The following AGAP1 variants were observed in gnomAD, a reference collection of about 807,000 sequenced individuals.
AGAP1 encodes arf-GAP with GTPase, ANK repeat and PH domain-containing protein 1.
A neutral mutation model predicts 105.3 loss-of-function variants in AGAP1; 29 were observed. The observed-to-expected ratio is 0.28, with a 90% CI of 0.21 to 0.38. AGAP1 has a LOEUF of 0.38. AGAP1 is among the 10% of genes least tolerant of loss of function. The probability of loss-of-function intolerance (pLI) is 1.00; values close to 1 mark genes in which losing one functional copy is unlikely to be tolerated. For synonymous variants in AGAP1, 509 were observed against 485.9 expected (o/e 1.05, Z -0.63); for missense variants, 998 against 1,165.1 (o/e 0.86, Z 2.09).
At chr2:235,839,265 G>C (rs1960523363) in intron 9 of AGAP1, among the ~76,000 whole-genome samples, 1 of 152,234 alleles carries the variant, frequency 6.6e-6, no homozygotes, top group Non-Finnish European at 1.5e-5. Flanking sequence ...TCCCAAAGCT[G>C]TTGGACCAGT....
Position 235,992,534 on chromosome 2 carries a change from G to A in AGAP1, c.1645+23911G>A, listed in dbSNP as rs928523761. Among the ~76,000 whole-genome samples the A allele has an allele frequency of 2.6e-5, 4 of 152,190 alleles. No individual in the cohort carries two copies. The highest frequency in any genetic ancestry group is 1.3e-4 in the Admixed American group (2 of 15,272). On this transcript the variant is annotated intron_variant, in intron 13 of 17. Transcript: ENST00000304032. This position sits in a 1 kb window ranked among gnomAD's most constrained non-coding sequence, Gnocchi z 4.8. ...TCGTGGGAGCCAAATTATGTGCAGT[G>A]TATTTTCAGATTTTATTGACTCACC...
chr2:236,023,370 G>A (rs2056946849), intron 13 of AGAP1, among the ~76,000 whole-genome samples: 1 of 152,184 alleles, frequency 6.6e-6, no homozygotes, highest in Non-Finnish European at 1.5e-5. Flanking sequence ...CCAGTCCGTC[G>A]ATGGCAGGAT....
intron 1 of AGAP1, among the ~76,000 whole-genome samples, chr2:235,496,027 C>G (rs1210204197): frequency 2.0e-5 from 3 of 152,238 alleles, no homozygotes; most frequent in Non-Finnish European, 4.4e-5. Flanking sequence ...GAGAGGGTAT[C>G]AGCCCACAGA....
At chr2:235,512,107 G>A (rs201399337) in intron 1 of AGAP1, among the ~76,000 whole-genome samples, 1 of 150,548 alleles carries the variant, frequency 6.6e-6, no homozygotes, top group African/African-American at 2.4e-5. Context: ...GTGTGTGAAT[G>A]TGTGTGTGTG....
intron 6 of AGAP1, among the ~76,000 whole-genome samples, chr2:235,783,769 G>A (rs1329842472): frequency 2.0e-5 from 3 of 152,066 alleles, no homozygotes; most frequent in East Asian, 3.9e-4. Flanking sequence ...CTCCTCAGGG[G>A]GATATTTTCA....
intron 16 of AGAP1, among the ~76,000 whole-genome samples, chr2:236,070,909 G>A (rs962906313): frequency 6.6e-6 from 1 of 152,176 alleles, no homozygotes; most frequent in Admixed American, 6.5e-5. Context: ...ACCATTGAAT[G>A]GTGCATTTGG....
chr2:235,814,546 C>T (rs1259389896), intron 9 of AGAP1, among the ~76,000 whole-genome samples: 5 of 152,192 alleles, frequency 3.3e-5, no homozygotes, highest in East Asian at 1.9e-4. Flanking sequence ...TCCTCTGCTA[C>T]GGCTGGAGGA....
chr2:235,576,234 T>C (rs1306978675), intron 1 of AGAP1, among the ~76,000 whole-genome samples: 1 of 152,234 alleles, frequency 6.6e-6, no homozygotes, highest in Non-Finnish European at 1.5e-5. Context: ...TTTGGTCGCC[T>C]CTGTGCTATG....
chr2:235,784,642 T>A (rs1204508724), intron 6 of AGAP1, among the ~76,000 whole-genome samples: 1 of 149,738 alleles, frequency 6.7e-6, no homozygotes, highest in Admixed American at 6.7e-5. Context: ...CTCTGCTATA[T>A]ACTTAACTCT....
chr2:235,677,328 C>T (rs1477746184), intron 1 of AGAP1, among the ~76,000 whole-genome samples: 1 of 152,172 alleles, frequency 6.6e-6, no homozygotes, highest in East Asian at 1.9e-4. Context: ...AGAGTCCTCT[C>T]CTCTCTCATT....
At chr2:235,507,526 GT>G (rs1429941196) in intron 1 of AGAP1, 1 of 152,168 alleles carries the variant, frequency 6.6e-6, no homozygotes, top group Non-Finnish European at 1.5e-5. Context: ...CATCCTCCTG[GT>G]TTCTTCCCTT....
chr2:235,842,053 A>T lies in AGAP1; in HGVS notation c.1050+34722A>T, dbSNP rs1174943156. On this transcript the variant is annotated intron_variant, in intron 9 of 17. Transcript: ENST00000304032. The surrounding 1 kb of genome is among the most constrained non-coding windows in gnomAD (Gnocchi z 5.3). ...GTTTTCACCTGCTGCTTCCTGCGGG[A>T]TGTCGCTCATGTGGAGGAGGGCCTC... 4.6e-5 allele frequency among the ~76,000 whole-genome samples: 7 copies of T among 152,016 alleles called. No homozygotes were observed. The highest frequency in any genetic ancestry group is 4.6e-4 in the Admixed American group (7 of 15,262).
At chr2:235,500,549 G>A (rs1463006791) in intron 1 of AGAP1, among the ~76,000 whole-genome samples, 1 of 152,230 alleles carries the variant, frequency 6.6e-6, no homozygotes, top group Non-Finnish European at 1.5e-5. Flanking sequence ...GTAGCCAGCT[G>A]AGAAGGTTTC....
intron 11 of AGAP1, among the ~76,000 whole-genome samples, chr2:235,910,551 A>G (rs4663216): frequency 0.3 from 44,928 of 152,112 alleles, 8,003 homozygotes; most frequent in Admixed American, 0.45. Context: ...GAAAGAAAAA[A>G]CAATCCGTAG....
intron 12 of AGAP1, among the ~76,000 whole-genome samples, chr2:235,945,298 G>T (rs184839995): frequency 7.9e-5 from 12 of 152,124 alleles, no homozygotes; most frequent in African/African-American, 2.2e-4. Context: ...GTTGGGGGGG[G>T]GTTCACCGTG....
chr2:235,882,943 A>G lies in AGAP1; in HGVS notation c.1051-402A>G, dbSNP rs2050104129. ...TCCTCCCACCTCAACCCCCCACGTA[A>G]CTGGGATTACAGAAGCACACCACCG... is the stretch of plus-strand genomic sequence containing the variant. On this transcript the variant is annotated intron_variant, in intron 9 of 17. Transcript: ENST00000304032. The surrounding 1 kb of genome is among the most constrained non-coding windows in gnomAD (Gnocchi z 4.6). Among the ~76,000 whole-genome samples, 1 of 151,498 alleles carries G rather than the reference A, an allele frequency of 6.6e-6. No individual in the cohort carries two copies. Among genetic ancestry groups the G allele is most frequent in the Non-Finnish European group, 1.5e-5 (1 of 67,852 alleles).
At chr2:236,116,254 G>A (rs12992751) in intron 16 of AGAP1, among the ~76,000 whole-genome samples, 11,601 of 151,822 alleles carry the variant, frequency 0.076, 610 homozygotes, top group Middle Eastern at 0.17. Context: ...TGTGGGTTTC[G>A]GGCCCACAAA....
chr2:235,928,662 G>T (rs2317020), intron 11 of AGAP1, among the ~76,000 whole-genome samples: 1 of 151,964 alleles, frequency 6.6e-6, no homozygotes, highest in Non-Finnish European at 1.5e-5. Flanking sequence ...CCAGGAGGGG[G>T]TCCCGAGATG....
chr2:235,958,309 G>T lies in AGAP1; in HGVS notation c.1484-10153G>T, dbSNP rs563676821. Among the ~76,000 whole-genome samples the T allele has an allele frequency of 9.4e-4, 143 of 152,210 alleles. 4 individuals are homozygous for T. The South Asian group carries it at 0.017, about 18-fold the overall frequency. On this transcript the variant is annotated intron_variant, in intron 12 of 17. Transcript: ENST00000304032. This position sits in a 1 kb window ranked among gnomAD's most constrained non-coding sequence, Gnocchi z 4.1. ...AAATCCAGGCTCCAGGGTCAGGGAA[G>T]ATCTGACCCGGGAGAGGATTAGGGC...
Sources: gnomAD v4.1 joint callset for allele counts (sites outside exome capture counted in the v4.1 genomes callset) on GRCh38, gnomAD v4.1.1 for gene constraint, Gnocchi (gnomAD v3.1) non-coding constraint, MANE v1.5 for transcripts, NCBI Gene and HGNC (gene_info 2026-07-23, HGNC 2026-07-21) for gene names.